LRRC31: variants seen among roughly 807,000 people sequenced by gnomAD.
LRRC31 encodes the protein leucine rich repeat containing 31, also known as leucine-rich repeat-containing protein 31.
LRRC31 carries 35 observed loss-of-function variants against 46.7 expected under a neutral mutation model. The ratio of observed to expected loss-of-function variants is 0.75; its 90% CI spans 0.57 to 0.99. The LOEUF is 0.99. Among genes scored for constraint, LRRC31 ranks in the 50% least tolerant of loss-of-function variants. The pLI, the probability that LRRC31 is intolerant of heterozygous loss-of-function variation, is 0.00. For missense variants in LRRC31, 613 were observed against 626.1 expected, an observed-to-expected ratio of 0.98 and a Z score of 0.22; for synonymous variants, 236 against 235.1, an observed-to-expected ratio of 1.00 and a Z score of -0.03.
intron 5 of LRRC31, among the ~76,000 whole-genome samples, chr3:169,855,614 T>C (rs1780917704): frequency 2.6e-5 from 4 of 152,214 alleles, no homozygotes; most frequent in Admixed American, 2.6e-4. Context: ...TCCTATTCTC[T>C]GTTAATATGG....
At chr3:169,843,559 C>A (rs1195082399) in intron 8 of LRRC31, among the ~76,000 whole-genome samples, 1 of 152,134 alleles carries the variant, frequency 6.6e-6, no homozygotes, top group Admixed American at 6.5e-5. Flanking sequence ...TACATCAGCA[C>A]CCCAGACTTC....
chr3:169,854,637 C>T (rs1420454422), intron 6 of LRRC31, among the ~76,000 whole-genome samples, 176 bp downstream of exon 6: 1 of 152,212 alleles, frequency 6.6e-6, no homozygotes, highest in Non-Finnish European at 1.5e-5. Flanking sequence ...CTAACATTTA[C>T]TGGGCGTTTA....
At chr3:169,859,248 T>C (rs1344816214) in intron 3 of LRRC31, among the ~76,000 whole-genome samples, 2 of 142,788 alleles carry the variant, frequency 1.4e-5, no homozygotes, top group Non-Finnish European at 3.0e-5. Flanking sequence ...TGAGCCAAGA[T>C]TGCACCACTG....
chr3:169,846,475 C>T (rs1780608660), intron 8 of LRRC31, among the ~76,000 whole-genome samples: 1 of 152,110 alleles, frequency 6.6e-6, no homozygotes, highest in Admixed American at 6.5e-5. Flanking sequence ...CAGGGCGAAA[C>T]CCCGTCTCTA....
intron 1 of LRRC31, among the ~76,000 whole-genome samples, chr3:169,868,272 T>A (rs773059536): frequency 6.6e-6 from 1 of 152,214 alleles, no homozygotes; most frequent in African/African-American, 2.4e-5. Flanking sequence ...AGCCTTTGCA[T>A]GTACAGTCTC....
rs1477890250 is a variant in LRRC31, at chr3:169,857,343, TATACAC to T, written c.488-477_488-472del. ...CTATATATATATATATATATATATA[TATACAC>T]ACACACACACACACACACACAAGTA... On this transcript the variant is annotated intron_variant, in intron 3 of 8. Coordinates refer to ENST00000316428, the MANE Select transcript of LRRC31 (RefSeq NM_024727.4). 2.4e-4 allele frequency among the ~76,000 whole-genome samples: 25 copies of T among 102,444 alleles called. 1 individual carries two copies. Among genetic ancestry groups the T allele is most frequent in the South Asian group, 3.9e-4 (1 of 2,550 alleles). 67.2% of individuals were successfully genotyped at this position (102,444 alleles called of 152,430 possible).
At chr3:169,857,350 ACACACACACACACACACACAAG>A (rs1454408177) in intron 3 of LRRC31, among the ~76,000 whole-genome samples, 9 of 117,168 alleles carry the variant, frequency 7.7e-5, no homozygotes, top group East Asian at 3.4e-4. Flanking sequence ...ATATATACAC[ACACACACACACACACACACAAG>A]TATATATATA....
chr3:169,861,678 T>C lies in LRRC31; in HGVS notation c.311A>G (p.Lys104Arg), dbSNP rs757696847. ...NNCGLTTADM[K>R]EMVALLPFLP... ...GTCTGCTGCATACAGACCCATTTCTTTCATGTCCGCTGTTGTTAATCCACA... is the reference window on the plus strand; with the variant it reads ...GTCTGCTGCATACAGACCCATTTCTCTCATGTCCGCTGTTGTTAATCCACA... Residue 104 changes from lysine to arginine, a missense_variant, in exon 2 of 9, where the codon AAA becomes AGA. By Grantham distance (26) the Lys-to-Arg change is conservative (BLOSUM62 2). Transcript: ENST00000316428. 2 of 1,614,062 alleles carry C rather than the reference T, an allele frequency of 1.2e-6. No individual in the cohort carries two copies.
intron 3 of LRRC31, among the ~76,000 whole-genome samples, chr3:169,860,181 C>T (rs1489495781): frequency 6.6e-6 from 1 of 151,532 alleles, no homozygotes; most frequent in Non-Finnish European, 1.5e-5. Flanking sequence ...TAAATAAACT[C>T]CATGAAAGCA....
At chr3:169,854,695 T>C in intron 6 of LRRC31, 118 bp downstream of exon 6, 1 of 779,546 alleles carries the variant, frequency 1.3e-6, no homozygotes, top group Non-Finnish European at 2.1e-6. Flanking sequence ...TGTTATGAAT[T>C]GATCTTTCCA....
intron 2 of LRRC31, among the ~76,000 whole-genome samples, chr3:169,861,044 G>A (rs1240155770): frequency 6.6e-6 from 1 of 151,330 alleles, no homozygotes; most frequent in African/African-American, 2.4e-5. Flanking sequence ...ACTTGAGGAA[G>A]GATCAATTAA....
At chr3:169,845,738 A>C (rs1195158603) in intron 8 of LRRC31, among the ~76,000 whole-genome samples, 1 of 152,234 alleles carries the variant, frequency 6.6e-6, no homozygotes, top group African/African-American at 2.4e-5. Flanking sequence ...TATAAAATGC[A>C]AATACAAAGC....
chr3:169,858,269 A>T (rs558133185), intron 3 of LRRC31, among the ~76,000 whole-genome samples: 47 of 152,310 alleles, frequency 3.1e-4, no homozygotes, highest in Middle Eastern at 3.4e-3. Context: ...CAAACATCAG[A>T]ACAACAACAG....
intron 6 of LRRC31, among the ~76,000 whole-genome samples, chr3:169,852,734 C>A (rs1485016703): frequency 6.6e-6 from 1 of 152,208 alleles, no homozygotes; most frequent in Non-Finnish European, 1.5e-5. Flanking sequence ...TATGCTGGAT[C>A]TCTACAAAGC....
intron 7 of LRRC31, among the ~76,000 whole-genome samples, chr3:169,850,821 G>A (rs761213367): frequency 5.3e-5 from 8 of 152,160 alleles, no homozygotes; most frequent in Non-Finnish European, 1.0e-4. Flanking sequence ...GACAAGTGCA[G>A]TGTCAGCAAG....
At chr3:169,864,001 A>AGTGTGTGTGTGTGT (rs35795931) in intron 1 of LRRC31, among the ~76,000 whole-genome samples, 4 of 148,720 alleles carry the variant, frequency 2.7e-5, no homozygotes, top group African/African-American at 9.9e-5. Flanking sequence ...TCCAAAGCCT[A>AGTGTGTGTGTGTGT]GTGTGTGTGT....
rs1248485302 is a variant in LRRC31, at chr3:169,869,750, T to G, written c.58A>C (p.Thr20Pro). 1.9e-6 allele frequency: 3 copies of G among 1,613,224 alleles called. No individual in the cohort carries two copies. In the African/African-American group the frequency reaches 4.0e-5, roughly 22 times the overall value. ...GAGCCCCTGAGAAATTTGTTGACAG[T>G]TGAAGTCTGGGGCTTAGTTTCTCCT... ...SEGETKPQTS[T>P]VNKFLRGSNA... is the part of the protein sequence containing the mutation. The change falls in exon 1 of 9, where the codon ACT becomes CCT. Residue 20 changes from threonine (T) to proline (P), a missense_variant. Physicochemically the swap from Thr to Pro is conservative, Grantham distance 38. Coordinates refer to ENST00000316428, the MANE Select transcript of LRRC31 (RefSeq NM_024727.4).
chr3:169,861,932 C>T (rs540878108), intron 1 of LRRC31, 119 bp from the exon 2 acceptor site: 9 of 1,103,426 alleles, frequency 8.2e-6, no homozygotes, highest in African/African-American at 7.8e-5. Flanking sequence ...TTTATAAAAA[C>T]CTCAACTCAG....
At chr3:169,865,120 C>T (rs538420358) in intron 1 of LRRC31, among the ~76,000 whole-genome samples, 4 of 150,748 alleles carry the variant, frequency 2.7e-5, no homozygotes, top group South Asian at 4.2e-4. Context: ...AGTGTAGTGG[C>T]GGGTGCCTGT....
Sources: allele counts gnomAD v4.1 joint callset (sites outside exome capture counted in the v4.1 genomes callset), GRCh38; gene constraint gnomAD v4.1.1; transcripts MANE v1.5; gene names NCBI Gene and HGNC (gene_info 2026-07-23, HGNC 2026-07-21).